WBP1L: variants seen among roughly 807,000 people sequenced by gnomAD.
WBP1L encodes WW domain binding protein 1-like.
In WBP1L, 17 loss-of-function variants were observed where a neutral mutation model predicts 33.7. The ratio of observed to expected loss-of-function variants is 0.50; its 90% CI spans 0.34 to 0.76. WBP1L has a LOEUF of 0.76. Among genes scored for constraint, WBP1L ranks in the 30% least tolerant of loss-of-function variants. WBP1L has a pLI of 0.01. For synonymous variants in WBP1L, 173 were observed against 190.8 expected, an observed-to-expected ratio of 0.91 and a Z score of 0.77; for missense variants, 389 against 469.4, an observed-to-expected ratio of 0.83 and a Z score of 1.58.
rs1197825554 is a variant in WBP1L, at chr10:102,815,223, CCT to C, written c.*1893_*1894del. 6.6e-6 allele frequency: 1 copy of C among 152,648 alleles called. No individual in the cohort carries two copies. Among genetic ancestry groups the C allele is most frequent in the Non-Finnish European group, 1.5e-5 (1 of 68,044 alleles). The allele number at this position is 152,648 out of a possible 1,614,324, so 9.5% of individuals were successfully genotyped here. A position where few individuals can be genotyped will look rare whatever the true frequency, so the allele number is the denominator to read the frequency against. ...TCCGCAGCATTGTCGACTGCAGTCC[CCT>C]GTGTTTGCCAGAGATACTGTGCTCG... On this transcript the variant is annotated 3_prime_UTR_variant, in exon 4 of 4. Transcript: ENST00000448841.
intron 1 of WBP1L, among the ~76,000 whole-genome samples, chr10:102,751,977 T>G (rs1413009381): frequency 6.6e-6 from 1 of 152,228 alleles, no homozygotes; most frequent in Non-Finnish European, 1.5e-5. Context: ...TATTATGGTT[T>G]GTAAGTTAGT....
At position 102,763,140 on chromosome 10, in the gene WBP1L, G is replaced by C. The variant is rs374231894; in HGVS notation, c.90+18997G>C. On this transcript the variant is annotated intron_variant, in intron 1 of 3. Coordinates refer to ENST00000448841, the MANE Select transcript of WBP1L (RefSeq NM_001083913.2). ...GATCACTTGAGACTGGGAGGCAGAGGCTGCAGTGAGCTGAGATCATCGCAC... is the reference window on the plus strand; with the variant it reads ...GATCACTTGAGACTGGGAGGCAGAGCCTGCAGTGAGCTGAGATCATCGCAC... 2.7e-5 allele frequency among the ~76,000 whole-genome samples: 4 copies of C among 150,104 alleles called. No homozygotes were observed. In the East Asian group the frequency reaches 5.9e-4, roughly 22 times the overall value.
chr10:102,785,182 CT>C (rs35342758), intron 1 of WBP1L, among the ~76,000 whole-genome samples: 112 of 124,974 alleles, frequency 9.0e-4, no homozygotes, highest in African/African-American at 1.7e-3. Context: ...CACCAGCCCA[CT>C]TTTTTTTTTT....
chr10:102,763,845 G>A (rs141260982), intron 1 of WBP1L, among the ~76,000 whole-genome samples: 51 of 152,132 alleles, frequency 3.4e-4, no homozygotes, highest in African/African-American at 1.1e-3. Flanking sequence ...ACAGAGTCTC[G>A]CTCTGTCATC....
At chr10:102,774,220 G>A (rs995872022) in intron 1 of WBP1L, among the ~76,000 whole-genome samples, 2 of 152,234 alleles carry the variant, frequency 1.3e-5, no homozygotes, top group South Asian at 4.2e-4. Flanking sequence ...GTTGAAAGCA[G>A]CCTCATTGCT....
chr10:102,794,901 T>C (rs1684282854), intron 1 of WBP1L, among the ~76,000 whole-genome samples: 1 of 152,156 alleles, frequency 6.6e-6, no homozygotes, highest in Non-Finnish European at 1.5e-5. Flanking sequence ...CCTTCACCTC[T>C]TCCTTGCTAG....
Position 102,813,375 on chromosome 10 carries a change from G to A in WBP1L, c.*44G>A. ...CCAGCAACTTGGCAAAGCAACCAGG[G>A]TAGGGGAGAACCACGAGAGAAGCAT... On this transcript the variant is annotated 3_prime_UTR_variant, in exon 4 of 4. Transcript: ENST00000448841. The A allele has an allele frequency of 1.3e-6, 2 of 1,556,430 alleles. No individual in the cohort carries two copies. The highest frequency in any genetic ancestry group is 1.7e-6 in the Non-Finnish European group (2 of 1,152,458).
Position 102,810,071 on chromosome 10 carries a change from C to T in WBP1L, c.355+17C>T, listed in dbSNP as rs746042063. ...TTTATTTCAGTACGTACACCCAAGC[C>T]CCCATACCCACCCTCAGGAGCTCAG... On this transcript the variant is annotated intron_variant, in intron 3 of 3. Transcript: ENST00000448841. The T allele has an allele frequency of 6.3e-7, 1 of 1,596,096 alleles. No individual in the cohort carries two copies. The highest frequency in any genetic ancestry group is 2.2e-5 in the East Asian group (1 of 44,764).
At chr10:102,757,185 A>G (rs1160212931) in intron 1 of WBP1L, among the ~76,000 whole-genome samples, 1 of 152,040 alleles carries the variant, frequency 6.6e-6, no homozygotes, top group Non-Finnish European at 1.5e-5. Context: ...CACCACACCC[A>G]GCCCAATTTT....
At chr10:102,744,331 A>G in intron 1 of WBP1L, 188 bp downstream of exon 1, 1 of 971,104 alleles carries the variant, frequency 1.0e-6, no homozygotes, top group Non-Finnish European at 1.2e-6. Context: ...TTTTGGTGTC[A>G]AGGAGGTGGC....
At chr10:102,810,102 C>T (rs1414727529) in intron 3 of WBP1L, 48 bp downstream of exon 3, 15 of 1,565,102 alleles carry the variant, frequency 9.6e-6, no homozygotes, top group African/African-American at 1.4e-5. Flanking sequence ...CTCAGGTGCA[C>T]AGACCCAGGG....
At chr10:102,810,909 CCCCTT>C (rs975258827) in intron 3 of WBP1L, among the ~76,000 whole-genome samples, 4 of 148,324 alleles carry the variant, frequency 2.7e-5, no homozygotes, top group African/African-American at 4.9e-5. Context: ...CCCCTCCCCT[CCCCTT>C]CCTCTTTCTT....
At chr10:102,803,248 G>A (rs916787196) in intron 2 of WBP1L, among the ~76,000 whole-genome samples, 4 of 152,212 alleles carry the variant, frequency 2.6e-5, no homozygotes, top group Admixed American at 6.5e-5. Context: ...GAGCAAGGAA[G>A]GGCCAGGGGA....
chr10:102,780,054 G>A (rs1843316691), intron 1 of WBP1L, among the ~76,000 whole-genome samples: 1 of 152,186 alleles, frequency 6.6e-6, no homozygotes, highest in Non-Finnish European at 1.5e-5. Flanking sequence ...CCAGGTATGG[G>A]TGTCTTTTAT....
At chr10:102,792,592 C>CTTTTTTTTTTTTTTTT (rs11368357) in intron 1 of WBP1L, among the ~76,000 whole-genome samples, 57 of 103,552 alleles carry the variant, frequency 5.5e-4, no homozygotes, top group Non-Finnish European at 7.1e-4. Context: ...TTTTTCTTTT[C>CTTTTTTTTTTTTTTTT]TTTTTTTTTT....
intron 1 of WBP1L, among the ~76,000 whole-genome samples, chr10:102,754,681 C>T (rs1455393261): frequency 6.6e-6 from 1 of 152,022 alleles, no homozygotes; most frequent in African/African-American, 2.4e-5. Context: ...GCATGAGACA[C>T]CGCGGCAGGC....
chr10:102,776,538 C>G, intron 1 of WBP1L: 1 of 1,313,092 alleles, frequency 7.6e-7, no homozygotes, highest in Non-Finnish European at 1.1e-6. Context: ...ACCAGGCCAG[C>G]TCCCACACAG....
At chr10:102,789,449 C>A (rs1843465102) in intron 1 of WBP1L, among the ~76,000 whole-genome samples, 1 of 152,124 alleles carries the variant, frequency 6.6e-6, no homozygotes, top group Non-Finnish European at 1.5e-5. Flanking sequence ...TTTCTTCTTC[C>A]TGGAACACTG....
intron 1 of WBP1L, among the ~76,000 whole-genome samples, chr10:102,782,414 C>T (rs557355508): frequency 6.6e-6 from 1 of 151,514 alleles, no homozygotes; most frequent in Non-Finnish European, 1.5e-5. Flanking sequence ...TGACCCGCCC[C>T]CTCCCACCCC....
Sources: allele counts gnomAD v4.1 joint callset (sites outside exome capture counted in the v4.1 genomes callset), GRCh38; gene constraint gnomAD v4.1.1; transcripts MANE v1.5; gene names NCBI Gene and HGNC (gene_info 2026-07-23, HGNC 2026-07-21).